DNAH2: variants seen among roughly 807,000 people sequenced by gnomAD.
DNAH2 encodes dynein axonemal heavy chain 2.
Under a neutral mutation model 523.5 loss-of-function variants are expected in DNAH2, and 323 were observed. That is an observed-to-expected ratio of 0.62 (90% CI 0.56 to 0.68). DNAH2 has a LOEUF of 0.68. Among genes scored for constraint, DNAH2 ranks in the 30% least tolerant of loss-of-function variants. DNAH2 has a pLI of 0.00. For synonymous variants in DNAH2, 2,093 were observed against 2,177.4 expected, an observed-to-expected ratio of 0.96 and a Z score of 1.08; for missense variants, 4,907 against 5,701.5, an observed-to-expected ratio of 0.86 and a Z score of 4.49.
rs142526104 is a variant in DNAH2, at chr17:7,818,437, G to A, written c.10513G>A (p.Val3505Ile). 69 of 1,614,168 alleles carry A rather than the reference G, an allele frequency of 4.3e-5. No individual in the cohort carries two copies. In the African/African-American group the frequency reaches 6.9e-4, roughly 16 times the overall value. ...SPETSAKTTIVNFAVKEQGLE... is the reference protein window; with the variant it reads ...SPETSAKTTIINFAVKEQGLE... ...AGAGACCTCAGCCAAGACCACCATC[G>A]TCAACTTTGCTGTTAAAGAACAGGT... Residue 3505 changes from valine to isoleucine, a missense_variant, in exon 69 of 86, where the codon GTC becomes ATC. By Grantham distance (29) the Val-to-Ile change is conservative. This residue lies in a region of DNAH2 where 1,851 missense variants were observed against 2,139.4 expected (regional missense o/e 0.87). Coordinates refer to ENST00000572933, the MANE Select transcript of DNAH2 (RefSeq NM_020877.5).
Position 7,817,358 on chromosome 17 carries a change from G to A in DNAH2, c.9963G>A (p.Met3321Ile). 6.2e-7 allele frequency: 1 copy of A among 1,612,956 alleles called. No homozygotes were observed. The highest frequency in any genetic ancestry group is 8.5e-7 in the Non-Finnish European group (1 of 1,179,706). ...CLLAAAFLSYMGPFLTNYRDE... is the reference protein window; with the variant it reads ...CLLAAAFLSYIGPFLTNYRDE... ...TGGCAGCTGCCTTCCTGTCCTACATGGGACCCTTCCTGACCAACTACCGGG... is the reference window on the plus strand; with the variant it reads ...TGGCAGCTGCCTTCCTGTCCTACATAGGACCCTTCCTGACCAACTACCGGG... Residue 3321 changes from methionine (M) to isoleucine (I), a missense_variant, in exon 65 of 86, where the codon ATG becomes ATA. By Grantham distance (10) the Met-to-Ile change is conservative. This residue lies in a region of DNAH2 where 1,851 missense variants were observed against 2,139.4 expected (regional missense o/e 0.87). Coordinates refer to ENST00000572933, the MANE Select transcript of DNAH2 (RefSeq NM_020877.5).
In DNAH2 at chr17:7,774,977, G is replaced by A; in HGVS notation, c.4719+1G>A. 1 of 1,613,370 alleles carries A rather than the reference G, an allele frequency of 6.2e-7. No homozygotes were observed. Among genetic ancestry groups the A allele is most frequent in the Non-Finnish European group, 8.5e-7 (1 of 1,179,972 alleles). Reference sequence around the variant, plus strand: ...CATCAAGTTGCTGAGAATCCAGAAGGTCAGTAGAAGTGGCCACAGTGAGAT... The same window carrying A: ...CATCAAGTTGCTGAGAATCCAGAAGATCAGTAGAAGTGGCCACAGTGAGAT... On this transcript the variant is annotated splice_donor_variant, in intron 29 of 85. Transcript: ENST00000572933. LOFTEE classifies it high-confidence loss of function.
intron 56 of DNAH2, 114 bp downstream of exon 56, chr17:7,799,356 G>T (rs542735719): frequency 1.9e-5 from 27 of 1,418,378 alleles, no homozygotes; most frequent in Non-Finnish European, 2.6e-5. Flanking sequence ...TCCTCTGCCC[G>T]CCTCACCCAT....
At chr17:7,791,561 C>T (rs2076898077) in intron 44 of DNAH2, among the ~76,000 whole-genome samples, 1 of 152,150 alleles carries the variant, frequency 6.6e-6, no homozygotes, top group Non-Finnish European at 1.5e-5. Context: ...ACATTTCAGT[C>T]ATCTCCAGTG....
intron 53 of DNAH2, 64 bp downstream of exon 53, chr17:7,797,893 T>C: frequency 6.5e-7 from 1 of 1,532,078 alleles, no homozygotes; most frequent in Non-Finnish European, 8.8e-7. Flanking sequence ...TCTAAGGAAA[T>C]AGGGGTCCCT....
At chr17:7,718,924 T>C (rs979722299) in intron 1 of DNAH2, 125 bp downstream of exon 1, 2 of 152,600 alleles carry the variant, frequency 1.3e-5, no homozygotes, top group Non-Finnish European at 2.9e-5. Flanking sequence ...TTTGCTTGAA[T>C]GATTGAACAG....
In DNAH2 at chr17:7,786,155, A is replaced by G. The variant is rs752768841; in HGVS notation, c.6161A>G (p.Asp2054Gly). 7 of 1,613,818 alleles carry G rather than the reference A, an allele frequency of 4.3e-6. No homozygotes were observed. Among genetic ancestry groups the G allele is most frequent in the Non-Finnish European group, 5.9e-6 (7 of 1,179,978 alleles). The stretch of plus-strand genomic sequence containing the variant: ...GAGACCGTTGAGCAGGAGATTCGAG[A>G]CATGGGCCTGCAAAGCACGCCGTTC... ...LRETVEQEIR[D>G]MGLQSTPFTL... The change falls in exon 40 of 86, where the codon GAC (aspartate) becomes GGC (glycine). Residue 2054 changes from aspartate (D) to glycine (G), a missense_variant. Coordinates refer to ENST00000572933, the MANE Select transcript of DNAH2 (RefSeq NM_020877.5). This position sits in a 1 kb window ranked among gnomAD's most constrained non-coding sequence, Gnocchi z 7.5.
At chr17:7,833,249 C>T in intron 85 of DNAH2, 28 bp downstream of exon 85, 2 of 1,606,416 alleles carry the variant, frequency 1.2e-6, no homozygotes, top group Non-Finnish European at 1.7e-6. Flanking sequence ...GCAGGACCTG[C>T]CTGCCCCGTC....
intron 59 of DNAH2, 41 bp from the exon 60 acceptor site, chr17:7,804,917 A>T: frequency 6.4e-7 from 1 of 1,553,434 alleles, no homozygotes; most frequent in Non-Finnish European, 8.9e-7. Context: ...ACCTTTGCCC[A>T]AGGCAAAGAC....
chr17:7,761,043 T>A, intron 18 of DNAH2, 111 bp downstream of exon 18: 1 of 1,344,910 alleles, frequency 7.4e-7, no homozygotes. Context: ...ATGACATGTG[T>A]CCTCAATGAC....
In DNAH2 at chr17:7,832,800, A is replaced by G; in HGVS notation, c.12903+45A>G. 1 of 1,614,066 alleles carries G rather than the reference A, an allele frequency of 6.2e-7. No homozygotes were observed. Among genetic ancestry groups the G allele is most frequent in the Non-Finnish European group, 8.5e-7 (1 of 1,179,996 alleles). ...TGAGGGGGGGATGTATGCTGGGGCC[A>G]TGTATGTGTTCTCCTCTTCAGGGTC... On this transcript the variant is annotated intron_variant, in intron 83 of 85. Transcript: ENST00000572933. The surrounding 1 kb of genome is among the most constrained non-coding windows in gnomAD (Gnocchi z 4.3).
chr17:7,822,284 T>A (rs574782273), intron 73 of DNAH2, among the ~76,000 whole-genome samples: 1 of 152,282 alleles, frequency 6.6e-6, no homozygotes, highest in East Asian at 1.9e-4. Context: ...GAGGTCCTTT[T>A]AAAGTGGATG....
intron 2 of DNAH2, among the ~76,000 whole-genome samples, chr17:7,721,909 G>T (rs2074620173): frequency 1.3e-5 from 2 of 152,276 alleles, no homozygotes; most frequent in Middle Eastern, 6.8e-3. Flanking sequence ...AAGAGGAGTG[G>T]GGGAAGATGG....
At chr17:7,808,107 A>G (rs1228534105) in intron 63 of DNAH2, among the ~76,000 whole-genome samples, 1 of 152,208 alleles carries the variant, frequency 6.6e-6, no homozygotes, top group Non-Finnish European at 1.5e-5. Context: ...GCCACGGCTC[A>G]TGCCTGTAAT....
At chr17:7,776,553 TGA>T (rs1244822852) in intron 31 of DNAH2, among the ~76,000 whole-genome samples, 10 of 152,194 alleles carry the variant, frequency 6.6e-5, no homozygotes, top group African/African-American at 2.4e-5. Context: ...GACAGAATCT[TGA>T]GTCTCACACA....
At position 7,726,977 on chromosome 17, in the gene DNAH2, G is replaced by A. The variant is rs2642157; in HGVS notation, c.229-145G>A. 0.38 allele frequency: 290,513 copies of A among 770,034 alleles called. 59,049 individuals are homozygous for A. Among genetic ancestry groups the A allele is most frequent in the East Asian group, 0.75 (23,724 of 31,494 alleles). The allele number at this position is 770,034 out of a possible 1,614,324, so 47.7% of individuals were successfully genotyped here. Reference sequence around the variant, plus strand: ...TTATTTTTCTGTTTCTTCCAAAGCTGGAAAGCTATCTTTCAGTTTCTCCTA... The same window carrying A: ...TTATTTTTCTGTTTCTTCCAAAGCTAGAAAGCTATCTTTCAGTTTCTCCTA... On this transcript the variant is annotated intron_variant, in intron 3 of 85. Transcript: ENST00000572933.
intron 9 of DNAH2, 144 bp downstream of exon 9, chr17:7,740,082 A>T: frequency 4.0e-6 from 1 of 248,650 alleles, no homozygotes; most frequent in Non-Finnish European, 6.8e-6. Flanking sequence ...GGGGGACAGG[A>T]GAGAGTGCAG....
Position 7,821,479 on chromosome 17 carries a change from T to C in DNAH2, c.11142+110T>C. On this transcript the variant is annotated intron_variant, in intron 73 of 85. Coordinates refer to ENST00000572933, the MANE Select transcript of DNAH2 (RefSeq NM_020877.5). This position sits in a 1 kb window ranked among gnomAD's most constrained non-coding sequence, Gnocchi z 5.0. ...GGGTCAGGCCCACAGCATCAGTGAG[T>C]GAGCTGAGAAAATCCAGGCCAGCAT... 5 of 1,408,032 alleles carry C rather than the reference T, an allele frequency of 3.6e-6. No individual in the cohort carries two copies. The highest frequency in any genetic ancestry group is 4.7e-6 in the Non-Finnish European group (5 of 1,061,180). 87.2% of individuals were successfully genotyped at this position (1,408,032 alleles called of 1,614,324 possible). A position where few individuals can be genotyped will look rare whatever the true frequency, so the allele number is the denominator to read the frequency against.
At position 7,734,536 on chromosome 17, in the gene DNAH2, G is replaced by T; in HGVS notation, c.806G>T (p.Gly269Val). Residue 269 changes from glycine to valine, a missense_variant, in exon 7 of 86, where the codon GGA (glycine) becomes GTA (valine). This residue lies in a region of DNAH2 where 2,806 missense variants were observed against 3,190.8 expected (regional missense o/e 0.88). Transcript: ENST00000572933. ...AGTGCCCAGGAGACTGTGGAGACAG[G>T]AGAAAATTTAGGTCCTCTGGAGGAG... The part of the protein sequence containing the change: ...MLSAQETVET[G>V]ENLGPLEEIE... The T allele has an allele frequency of 6.2e-7, 1 of 1,613,894 alleles. No homozygotes were observed.
Sources: gnomAD v4.1 joint callset for allele counts (sites outside exome capture counted in the v4.1 genomes callset) on GRCh38, gnomAD v4.1.1 for gene constraint, gnomAD v4.1.1 regional missense constraint, Gnocchi (gnomAD v3.1) non-coding constraint, MANE v1.5 for transcripts, NCBI Gene and HGNC (gene_info 2026-07-23, HGNC 2026-07-21) for gene names.